Variants in PHGDH observed in about 807,000 individuals in gnomAD.
The protein encoded by PHGDH is phosphoglycerate dehydrogenase.
Under a neutral mutation model 52.6 loss-of-function variants are expected in PHGDH, and 50 were observed. That is an observed-to-expected ratio of 0.95 (90% CI 0.76 to 1.20). The LOEUF (loss-of-function observed/expected upper bound fraction) is 1.20. PHGDH is among the 50% of genes most tolerant of loss of function. The pLI, the probability that PHGDH is intolerant of heterozygous loss-of-function variation, is 0.00. For missense variants in PHGDH, 630 were observed against 684.6 expected, an observed-to-expected ratio of 0.92 and a Z score of 0.89; for synonymous variants, 271 against 280.5, an observed-to-expected ratio of 0.97 and a Z score of 0.34.
intron 10 of PHGDH, 178 bp downstream of exon 10, chr1:119,742,075 G>T: frequency 1.6e-6 from 1 of 643,636 alleles, no homozygotes. Context: ...GCCTGGCCCC[G>T]AGTGTTGCTA....
intron 1 of PHGDH, 100 bp downstream of exon 1, chr1:119,712,260 T>C: frequency 1.1e-6 from 1 of 902,750 alleles, no homozygotes; most frequent in Non-Finnish European, 1.7e-6. Context: ...GCACCCCGTA[T>C]CAATTAGTTC....
At chr1:119,712,279 C>T in intron 1 of PHGDH, 119 bp downstream of exon 1, 2 of 872,510 alleles carry the variant, frequency 2.3e-6, no homozygotes, top group South Asian at 2.9e-5. Flanking sequence ...TCCGGGGCCT[C>T]CTGAGATTGG....
At chr1:119,714,961 C>A (rs1223877080) in intron 1 of PHGDH, among the ~76,000 whole-genome samples, 3 of 152,112 alleles carry the variant, frequency 2.0e-5, no homozygotes, top group African/African-American at 7.2e-5. Flanking sequence ...GAACCTCAGT[C>A]AAAAAAGTTT....
At position 119,743,953 on chromosome 1, in the gene PHGDH, C is replaced by G. The variant is rs201529203; in HGVS notation, c.1515C>G (p.Thr505=). 8.1e-5 allele frequency: 131 copies of G among 1,613,740 alleles called. No homozygotes were observed. Among genetic ancestry groups the G allele is most frequent in the Non-Finnish European group, 1.1e-4 (124 of 1,179,732 alleles). ...YQTSLVSDGE[T]WHVMGISSLL... ...CTTCACTGGTGTCAGATGGGGAGAC[C>G]TGGCACGTCATGGGCATCTCCTCCT... Residue 505 remains threonine, a synonymous_variant, in exon 12 of 12, where the codon ACC becomes ACG. Coordinates refer to ENST00000641023, the MANE Select transcript of PHGDH (RefSeq NM_006623.4).
chr1:119,727,206 A>G, intron 5 of PHGDH, 104 bp downstream of exon 5: 1 of 758,384 alleles, frequency 1.3e-6, no homozygotes, highest in South Asian at 1.4e-5. Flanking sequence ...GGAGGGTCTG[A>G]CCCTCTCTTG....
At chr1:119,716,668 C>G (rs1650950803) in intron 1 of PHGDH, among the ~76,000 whole-genome samples, 1 of 152,134 alleles carries the variant, frequency 6.6e-6, no homozygotes, top group Non-Finnish European at 1.5e-5. Flanking sequence ...GTGGTCCCTT[C>G]TCCTCTTGCT....
At chr1:119,720,271 TA>T (rs777514187) in intron 1 of PHGDH, 1 of 152,218 alleles carries the variant, frequency 6.6e-6, no homozygotes, top group African/African-American at 2.4e-5. Flanking sequence ...TGCATATGTA[TA>T]TTTTTAGTCT....
At chr1:119,731,513 A>G (rs750670668) in intron 5 of PHGDH, among the ~76,000 whole-genome samples, 12 of 152,194 alleles carry the variant, frequency 7.9e-5, no homozygotes, top group African/African-American at 2.9e-4. Flanking sequence ...ACTTTAGCCC[A>G]GAGGGTTGGA....
chr1:119,720,682 G>A (rs1003455241), intron 1 of PHGDH: 2 of 225,036 alleles, frequency 8.9e-6, no homozygotes, highest in African/African-American at 4.5e-5. Context: ...GAACCTATCA[G>A]ATGTGTGGAC....
intron 7 of PHGDH, among the ~76,000 whole-genome samples, chr1:119,735,792 T>C (rs1431631667): frequency 6.6e-6 from 1 of 152,172 alleles, no homozygotes; most frequent in Non-Finnish European, 1.5e-5. Context: ...CTTTAGTGTA[T>C]AGTTGAGGGA....
At chr1:119,730,763 G>A (rs587629803) in intron 5 of PHGDH, among the ~76,000 whole-genome samples, 2 of 152,298 alleles carry the variant, frequency 1.3e-5, no homozygotes, top group East Asian at 1.9e-4. Flanking sequence ...AGCCCCTTGA[G>A]CTTGGTGCTA....
chr1:119,719,090 C>A (rs1651043044), intron 1 of PHGDH, among the ~76,000 whole-genome samples: 1 of 152,102 alleles, frequency 6.6e-6, no homozygotes. Context: ...CCTGTTTCTG[C>A]CTGGCTTGGC....
intron 10 of PHGDH, chr1:119,742,370 C>T (rs973856664): frequency 2.5e-5 from 9 of 363,218 alleles, no homozygotes; most frequent in Non-Finnish European, 4.7e-5. Context: ...GCCTGTTGCT[C>T]AGCCAGTGGG....
At chr1:119,736,018 T>C (rs1651920228) in intron 7 of PHGDH, among the ~76,000 whole-genome samples, 2 of 152,186 alleles carry the variant, frequency 1.3e-5, no homozygotes, top group Non-Finnish European at 2.9e-5. Context: ...TCGAATCCTT[T>C]TGGCTCCTCT....
chr1:119,715,925 G>A (rs1650913131), intron 1 of PHGDH: 1 of 152,544 alleles, frequency 6.6e-6, no homozygotes, highest in Non-Finnish European at 1.5e-5. Context: ...GATGTGAGCA[G>A]ATGGGTGCAT....
At position 119,724,840 on chromosome 1, in the gene PHGDH, AT is replaced by A. The variant is rs751366091; in HGVS notation, c.356+1401del. ...TGCTGTGGTTTAAAAGAAGCTCCCCATTGTCAACTGCTCACCATGACCTCAC... is the reference window on the plus strand; with the variant it reads ...TGCTGTGGTTTAAAAGAAGCTCCCCATGTCAACTGCTCACCATGACCTCAC... On this transcript the variant is annotated intron_variant, in intron 3 of 11. Coordinates refer to ENST00000641023, the MANE Select transcript of PHGDH (RefSeq NM_006623.4). The A allele has an allele frequency of 1.5e-3, 680 of 456,568 alleles. 3 individuals carry two copies. The highest frequency in any genetic ancestry group is 1.3e-3 in the Non-Finnish European group (305 of 226,934). 28.3% of individuals were successfully genotyped at this position (456,568 alleles called of 1,614,324 possible).
intron 2 of PHGDH, among the ~76,000 whole-genome samples, chr1:119,723,145 T>A (rs956329725): frequency 6.6e-6 from 1 of 152,208 alleles, no homozygotes; most frequent in Non-Finnish European, 1.5e-5. Flanking sequence ...AAGCCAGATA[T>A]GTTTCTCTAA....
Position 119,737,235 on chromosome 1 carries a change from A to T in PHGDH, c.914A>T (p.Asp305Val). ...CGEEIAVQFVDMVKGKSLTGV... is the reference protein window; with the variant it reads ...CGEEIAVQFVVMVKGKSLTGV... ...GAGGAAATTGCTGTTCAGTTCGTGG[A>T]CATGGTGAAGGGGAAATCTCTCACG... Residue 305 changes from aspartate (D) to valine (V), a missense_variant, in exon 8 of 12, where the codon GAC becomes GTC. By Grantham distance (152) the Asp-to-Val change is radical. Transcript: ENST00000641023. 3.7e-6 allele frequency: 6 copies of T among 1,614,152 alleles called. No homozygotes were observed. The highest frequency in any genetic ancestry group is 5.1e-6 in the Non-Finnish European group (6 of 1,179,990).
chr1:119,738,257 G>A lies in PHGDH; in HGVS notation c.945+991G>A, dbSNP rs78916939. On this transcript the variant is annotated intron_variant, in intron 8 of 11. Transcript: ENST00000641023. The stretch of plus-strand genomic sequence containing the variant: ...CAGCTGGGTGATTTTCGCTGGTGAG[G>A]ACAGCACTGTGGCAGGAGAGACGGG... Among the ~76,000 whole-genome samples the A allele has an allele frequency of 2.0e-3, 305 of 152,298 alleles. 1 individual carries two copies. Among genetic ancestry groups the A allele is most frequent in the Non-Finnish European group, 3.5e-3 (241 of 68,026 alleles).
Sources: allele counts gnomAD v4.1 joint callset (sites outside exome capture counted in the v4.1 genomes callset), GRCh38; gene constraint gnomAD v4.1.1; transcripts MANE v1.5; gene names NCBI Gene and HGNC (gene_info 2026-07-23, HGNC 2026-07-21).